Variants in SNTB1 observed in about 807,000 individuals in gnomAD.
The protein encoded by SNTB1 is syntrophin beta 1, also known as beta-1-syntrophin.
Under a neutral mutation model 48.9 loss-of-function variants are expected in SNTB1, and 36 were observed. The ratio of observed to expected loss-of-function variants is 0.74; its 90% CI spans 0.56 to 0.97. The LOEUF is 0.97. Among genes scored for constraint, SNTB1 ranks in the 50% least tolerant of loss-of-function variants. The probability of loss-of-function intolerance (pLI) is 0.00; values close to 1 mark genes in which losing one functional copy is unlikely to be tolerated. For missense variants in SNTB1, 786 were observed against 703.4 expected (o/e 1.12, Z -1.33); for synonymous variants, 299 against 294.6 (o/e 1.01, Z -0.15).
At position 120,679,527 on chromosome 8, in the gene SNTB1, C is replaced by T. The variant is rs545132884; in HGVS notation, c.788+14165G>A. On this transcript the variant is annotated intron_variant, in intron 2 of 6. Transcript: ENST00000517992. Reference sequence around the variant, plus strand: ...CTATGGCTCTGAGCAAAATTAATTCCGGAATACTTCTTTTTCCTCATCCCT... The same window carrying T: ...CTATGGCTCTGAGCAAAATTAATTCTGGAATACTTCTTTTTCCTCATCCCT... Among the ~76,000 whole-genome samples the T allele has an allele frequency of 3.0e-4, 45 of 152,258 alleles. No individual in the cohort carries two copies. In the South Asian group the frequency reaches 5.6e-3, roughly 19 times the overall value.
At chr8:120,609,374 C>CT (rs1816581257) in intron 3 of SNTB1, among the ~76,000 whole-genome samples, 1 of 152,144 alleles carries the variant, frequency 6.6e-6, no homozygotes, top group Admixed American at 6.5e-5. Context: ...TAGAGTTTTT[C>CT]TTTCATTGTC....
intron 2 of SNTB1, among the ~76,000 whole-genome samples, chr8:120,689,930 A>AT (rs774950993): frequency 1.3e-5 from 2 of 152,266 alleles, no homozygotes; most frequent in East Asian, 3.9e-4. Context: ...TGTATTCTCT[A>AT]TTATCAGAGT....
intron 1 of SNTB1, among the ~76,000 whole-genome samples, chr8:120,731,623 G>T (rs1818852452): frequency 6.6e-6 from 1 of 152,146 alleles, no homozygotes; most frequent in African/African-American, 2.4e-5. Context: ...AAAACATCTT[G>T]GTGATCATGC....
chr8:120,753,318 G>A lies in SNTB1; in HGVS notation c.571+57955C>T, dbSNP rs564427021. Among the ~76,000 whole-genome samples, 5 of 152,142 alleles carry A rather than the reference G, an allele frequency of 3.3e-5. No homozygotes were observed. In the South Asian group the frequency reaches 6.2e-4, roughly 19 times the overall value. ...TGAAACATGGTAATGATATAATTGC[G>A]TAACTTTAAAAAGTTCTTCCTTTAT... On this transcript the variant is annotated intron_variant, in intron 1 of 6. Coordinates refer to ENST00000517992, the MANE Select transcript of SNTB1 (RefSeq NM_021021.4).
At chr8:120,722,040 C>A (rs1420855261) in intron 1 of SNTB1, among the ~76,000 whole-genome samples, 2 of 152,160 alleles carry the variant, frequency 1.3e-5, no homozygotes, top group Non-Finnish European at 2.9e-5. Context: ...TTTCCAGCTT[C>A]ATCCATGTCC....
At chr8:120,676,431 A>G (rs558222766) in intron 2 of SNTB1, among the ~76,000 whole-genome samples, 1 of 152,354 alleles carries the variant, frequency 6.6e-6, no homozygotes, top group East Asian at 1.9e-4. Flanking sequence ...ATTCGAGATC[A>G]CAAAGAGACA....
At chr8:120,673,490 CA>C (rs1817788542) in intron 2 of SNTB1, among the ~76,000 whole-genome samples, 1 of 152,020 alleles carries the variant, frequency 6.6e-6, no homozygotes, top group African/African-American at 2.4e-5. Flanking sequence ...AGGGTTTCAC[CA>C]TGTTGGCCAG....
intron 1 of SNTB1, among the ~76,000 whole-genome samples, chr8:120,773,344 C>T (rs1484473891): frequency 6.6e-6 from 1 of 152,082 alleles, no homozygotes; most frequent in Non-Finnish European, 1.5e-5. Context: ...ACAGTGAGAC[C>T]CCATCTCTAT....
chr8:120,601,052 A>T (rs904187108), intron 3 of SNTB1, among the ~76,000 whole-genome samples: 8 of 152,198 alleles, frequency 5.3e-5, no homozygotes, highest in Non-Finnish European at 1.2e-4. Context: ...AGACCCAGAC[A>T]AAGAGGAAGG....
intron 1 of SNTB1, among the ~76,000 whole-genome samples, chr8:120,715,003 C>T (rs576306402): frequency 1.3e-5 from 2 of 152,344 alleles, no homozygotes; most frequent in Admixed American, 1.3e-4. Flanking sequence ...CATAATAGCA[C>T]AAATTGGAGA....
intron 2 of SNTB1, among the ~76,000 whole-genome samples, chr8:120,649,542 G>C (rs1400226020): frequency 2.1e-5 from 3 of 139,588 alleles, no homozygotes; most frequent in Non-Finnish European, 3.1e-5. Context: ...CTCCAGCTGC[G>C]TGCTGGGAGA....
At chr8:120,620,947 T>A (rs1468102248) in intron 3 of SNTB1, among the ~76,000 whole-genome samples, 9 of 121,334 alleles carry the variant, frequency 7.4e-5, no homozygotes, top group African/African-American at 2.3e-4. Context: ...CCCTCTCTTT[T>A]CTTTTCTTTC....
At chr8:120,759,982 T>C (rs1362955787) in intron 1 of SNTB1, among the ~76,000 whole-genome samples, 2 of 152,154 alleles carry the variant, frequency 1.3e-5, no homozygotes, top group Non-Finnish European at 2.9e-5. Flanking sequence ...AAGGGCCAGA[T>C]GATAAATAAC....
At chr8:120,557,225 G>A (rs930319216) in intron 4 of SNTB1, among the ~76,000 whole-genome samples, 2 of 152,202 alleles carry the variant, frequency 1.3e-5, no homozygotes, top group Admixed American at 1.3e-4. Context: ...TGCATTATCT[G>A]TGGAAGTGTT....
chr8:120,620,365 G>T (rs1226509232), intron 3 of SNTB1, among the ~76,000 whole-genome samples: 1 of 152,078 alleles, frequency 6.6e-6, no homozygotes, highest in Non-Finnish European at 1.5e-5. Flanking sequence ...AAAAAGTGAG[G>T]ATTAAATATT....
At chr8:120,629,927 G>A (rs1247647845) in intron 3 of SNTB1, among the ~76,000 whole-genome samples, 1 of 152,204 alleles carries the variant, frequency 6.6e-6, no homozygotes, top group Non-Finnish European at 1.5e-5. Flanking sequence ...CTAATAATAT[G>A]TCTGCTAATA....
At chr8:120,731,334 T>C (rs1818846705) in intron 1 of SNTB1, among the ~76,000 whole-genome samples, 4 of 152,150 alleles carry the variant, frequency 2.6e-5, no homozygotes, top group Admixed American at 2.6e-4. Context: ...GCAAAGAAAG[T>C]ATACAACCAC....
chr8:120,565,931 A>T (rs1178729220), intron 4 of SNTB1, among the ~76,000 whole-genome samples: 1 of 152,116 alleles, frequency 6.6e-6, no homozygotes, highest in Non-Finnish European at 1.5e-5. Context: ...TTGGGGAGCC[A>T]GGTGTGGTGG....
intron 4 of SNTB1, among the ~76,000 whole-genome samples, chr8:120,561,054 G>A (rs1260303127): frequency 2.0e-5 from 3 of 151,924 alleles, no homozygotes; most frequent in Non-Finnish European, 4.4e-5. Flanking sequence ...GAGGCTGGGC[G>A]CAGTGGCTCA....
Sources: gnomAD v4.1 joint callset for allele counts (sites outside exome capture counted in the v4.1 genomes callset) on GRCh38, gnomAD v4.1.1 for gene constraint, MANE v1.5 for transcripts, NCBI Gene and HGNC (gene_info 2026-07-23, HGNC 2026-07-21) for gene names.